SCFD1: variants seen among roughly 807,000 people sequenced by gnomAD.
The protein encoded by SCFD1 is sec1 family domain containing 1.
A neutral mutation model predicts 103.2 loss-of-function variants in SCFD1; 37 were observed. That is an observed-to-expected ratio of 0.36 (90% CI 0.28 to 0.47). The LOEUF (loss-of-function observed/expected upper bound fraction) is 0.47. Ranked by LOEUF, SCFD1 falls within the 20% of genes least tolerant of loss-of-function variation. The pLI, the probability that SCFD1 is intolerant of heterozygous loss-of-function variation, is 1.00. For missense variants in SCFD1, 639 were observed against 761.2 expected (o/e 0.84, Z 1.89); for synonymous variants, 264 against 245.0 (o/e 1.08, Z -0.73).
At chr14:30,642,664 C>T (rs1188194358) in intron 6 of SCFD1, among the ~76,000 whole-genome samples, 1 of 152,028 alleles carries the variant, frequency 6.6e-6, no homozygotes, top group Non-Finnish European at 1.5e-5. Flanking sequence ...GTAACAGAAT[C>T]AGTAGTTTCT....
At chr14:30,645,132 A>G (rs1438566289) in intron 7 of SCFD1, among the ~76,000 whole-genome samples, 1 of 152,156 alleles carries the variant, frequency 6.6e-6, no homozygotes, top group East Asian at 1.9e-4. Context: ...GTCGAAGATC[A>G]GATGGTTGTA....
intron 23 of SCFD1, among the ~76,000 whole-genome samples, chr14:30,730,327 A>G (rs968173678): frequency 3.3e-5 from 5 of 152,154 alleles, no homozygotes; most frequent in Admixed American, 2.6e-4. Flanking sequence ...ATACCTGTGC[A>G]TGTGTCTTTA....
At chr14:30,735,481 A>G (rs1893779615) in intron 24 of SCFD1, 105 bp from the exon 25 acceptor site, 10 of 787,454 alleles carry the variant, frequency 1.3e-5, no homozygotes, top group Middle Eastern at 3.5e-4. Flanking sequence ...AATGCAGTGA[A>G]TAAAATAGGA....
intron 12 of SCFD1, 51 bp from the exon 13 acceptor site, chr14:30,673,873 G>C (rs371742034): frequency 4.8e-6 from 6 of 1,239,056 alleles, no homozygotes; most frequent in Non-Finnish European, 7.2e-6. Flanking sequence ...TGATTTTTAT[G>C]CTTGTGCCTG....
intron 1 of SCFD1, among the ~76,000 whole-genome samples, chr14:30,625,616 CCTATAT>C: frequency 1.5e-5 from 1 of 67,096 alleles, no homozygotes; most frequent in Non-Finnish European, 3.1e-5. Context: ...TATAGGTATA[CCTATAT>C]AGGTATAGGT....
Position 30,622,324 on chromosome 14 carries a change from C to T in SCFD1, c.-15C>T. 1.9e-6 allele frequency: 3 copies of T among 1,586,416 alleles called. No homozygotes were observed. The highest frequency in any genetic ancestry group is 1.8e-5 in the Admixed American group (1 of 56,074). On this transcript the variant is annotated 5_prime_UTR_variant, in exon 1 of 25. Coordinates refer to ENST00000458591, the MANE Select transcript of SCFD1 (RefSeq NM_016106.4). ...GCTCCGCTCCCCAGCCGGGCAGTGG[C>T]TCGTGGGAGCCAAGATGGCGGCGGC...
chr14:30,661,427 AATTT>A (rs1276270464), intron 10 of SCFD1, among the ~76,000 whole-genome samples: 4 of 152,152 alleles, frequency 2.6e-5, no homozygotes, highest in African/African-American at 9.6e-5. Flanking sequence ...TGCCATTATA[AATTT>A]ACATTTATAT....
intron 10 of SCFD1, among the ~76,000 whole-genome samples, chr14:30,662,852 G>C (rs1420132944): frequency 6.6e-6 from 1 of 152,138 alleles, no homozygotes; most frequent in Non-Finnish European, 1.5e-5. Context: ...CATGTTTTTA[G>C]CATTTCCTGA....
In SCFD1 at chr14:30,715,975, C is replaced by T. The variant is rs947106345; in HGVS notation, c.1681C>T (p.Pro561Ser). 1 of 1,516,114 alleles carries T rather than the reference C, an allele frequency of 6.6e-7. No individual in the cohort carries two copies. Among genetic ancestry groups the T allele is most frequent in the South Asian group, 1.2e-5 (1 of 85,624 alleles). 93.9% of individuals were successfully genotyped at this position (1,516,114 alleles called of 1,614,324 possible). ...LDNLMEMKSN[P>S]ETDDYRYFDP... ...CAATCTTATGGAGATGAAGTCAAAC[C>T]CCGTGAGTACCATATAACATATTTT... The change falls in exon 20 of 25, where the codon CCC (proline) becomes TCC (serine). Residue 561 changes from proline (P) to serine (S), a missense_variant and splice_region_variant. By Grantham distance (74) the Pro-to-Ser change is moderately conservative (BLOSUM62 -1). Coordinates refer to ENST00000458591, the MANE Select transcript of SCFD1 (RefSeq NM_016106.4).
rs561696273 is a variant in SCFD1 at position 30,638,132 on chromosome 14, G to A, written c.320G>A (p.Arg107Gln). Residue 107 changes from arginine (R) to glutamine (Q), a missense_variant, in exon 5 of 25, where the codon CGA becomes CAA. Transcript: ENST00000458591. The stretch of plus-strand genomic sequence containing the variant: ...TTTTCATTGTATTGATAGGATCTTC[G>A]AAATCAACTATATGAATCATATTAT... The part of the protein sequence containing the change: ...ENIDRMCQDL[R>Q]NQLYESYYLN... The A allele has an allele frequency of 3.2e-5, 51 of 1,601,944 alleles. No homozygotes were observed. The highest frequency in any genetic ancestry group is 3.4e-4 in the Middle Eastern group (2 of 5,932).
At chr14:30,717,424 C>G (rs1892354006) in intron 20 of SCFD1, among the ~76,000 whole-genome samples, 2 of 152,096 alleles carry the variant, frequency 1.3e-5, no homozygotes, top group Non-Finnish European at 2.9e-5. Context: ...CTACATTGAG[C>G]CAAGATTGTG....
chr14:30,725,887 C>T (rs1216298685), intron 23 of SCFD1, among the ~76,000 whole-genome samples: 2 of 152,176 alleles, frequency 1.3e-5, no homozygotes, highest in African/African-American at 2.4e-5. Flanking sequence ...TCTCTATAAA[C>T]GGTGCTGACA....
intron 19 of SCFD1, among the ~76,000 whole-genome samples, chr14:30,710,332 TAA>T (rs397853428): frequency 4.1e-4 from 34 of 82,014 alleles, no homozygotes; most frequent in African/African-American, 1.4e-3. Flanking sequence ...GCCATGTCAT[TAA>T]AAAAAAAAAA....
chr14:30,653,623 AT>A (rs1437407774), intron 10 of SCFD1, 35 bp downstream of exon 10: 1 of 1,342,510 alleles, frequency 7.4e-7, no homozygotes, highest in East Asian at 2.3e-5. Context: ...TTACTGAAAT[AT>A]AGTAACATGC....
chr14:30,717,892 GAAAA>G lies in SCFD1; in HGVS notation c.1684-1421_1684-1418del, dbSNP rs796227869. 5.8e-5 allele frequency among the ~76,000 whole-genome samples: 5 copies of G among 86,680 alleles called. No homozygotes were observed. In the South Asian group the frequency reaches 1.9e-3, roughly 33 times the overall value. 56.9% of individuals were successfully genotyped at this position (86,680 alleles called of 152,430 possible). Reference sequence around the variant, plus strand: ...GAGCAAGACTCTGCCTCAAAAAAAAGAAAAAAAAAAAAAAAGCATTTTTCACCTA... The same window carrying G: ...GAGCAAGACTCTGCCTCAAAAAAAAGAAAAAAAAAAAGCATTTTTCACCTA... On this transcript the variant is annotated intron_variant, in intron 20 of 24. Coordinates refer to ENST00000458591, the MANE Select transcript of SCFD1 (RefSeq NM_016106.4).
rs139617526 is a variant in SCFD1 at position 30,660,099 on chromosome 14, T to G, written c.855+6511T>G. Among the ~76,000 whole-genome samples the G allele has an allele frequency of 9.2e-5, 14 of 152,340 alleles. 1 individual carries two copies. Among genetic ancestry groups the G allele is most frequent in the African/African-American group, 3.1e-4 (13 of 41,584 alleles). On this transcript the variant is annotated intron_variant, in intron 10 of 24. Transcript: ENST00000458591. ...TGTTTCAAAGATGCTTCTTTACAGT[T>G]GGCTTGTTCAAATAAGGATCCAGAA...
chr14:30,692,566 TGA>T (rs1403960736), intron 14 of SCFD1, among the ~76,000 whole-genome samples: 5 of 152,202 alleles, frequency 3.3e-5, no homozygotes, highest in African/African-American at 4.8e-5. Context: ...CTGCAAAAGC[TGA>T]GAGAATAACT....
At chr14:30,678,756 A>G (rs954978790) in intron 14 of SCFD1, among the ~76,000 whole-genome samples, 13 of 152,324 alleles carry the variant, frequency 8.5e-5, no homozygotes, top group African/African-American at 2.9e-4. Context: ...CTTAGAGGAA[A>G]AGCACCCACA....
chr14:30,722,462 G>GTTTTT, intron 22 of SCFD1, 32 bp from the exon 23 acceptor site: 2 of 1,211,164 alleles, frequency 1.7e-6, no homozygotes, highest in Non-Finnish European at 1.1e-6. Flanking sequence ...TAAAAACTGT[G>GTTTTT]TTTTTTTTTT....
Sources: allele counts gnomAD v4.1 joint callset (sites outside exome capture counted in the v4.1 genomes callset), GRCh38; gene constraint gnomAD v4.1.1; transcripts MANE v1.5; gene names NCBI Gene and HGNC (gene_info 2026-07-23, HGNC 2026-07-21).